FAM167A: variants seen among roughly 807,000 people sequenced by gnomAD.
FAM167A encodes protein FAM167A.
In FAM167A, 23 loss-of-function variants were observed where a neutral mutation model predicts 14.9. The ratio of observed to expected loss-of-function variants is 1.55; its 90% confidence interval spans 1.11 to 2.19. FAM167A has a LOEUF of 2.19. FAM167A is among the 30% of genes most tolerant of loss of function. The pLI is 0.00. For missense variants in FAM167A, 401 were observed against 281.5 expected (o/e 1.42, Z -3.04); for synonymous variants, 174 against 117.7 (o/e 1.48, Z -3.10).
chr8:11,452,757 GA>G, intron 1 of FAM167A, among the ~76,000 whole-genome samples: 1 of 152,290 alleles, frequency 6.6e-6, no homozygotes, highest in East Asian at 1.9e-4. Context: ...TCCTGGCCCA[GA>G]AAAAAGGGTG....
At position 11,421,854 on chromosome 8, in the gene FAM167A, C is replaced by A; in HGVS notation, c.*2519G>T. 7.5e-6 allele frequency: 3 copies of A among 398,058 alleles called. No individual in the cohort carries two copies. The highest frequency in any genetic ancestry group is 1.3e-5 in the Non-Finnish European group (3 of 225,754). 24.7% of individuals were successfully genotyped at this position (398,058 alleles called of 1,614,324 possible). A position where few individuals can be genotyped will look rare whatever the true frequency, so the allele number is the denominator to read the frequency against. On this transcript the variant is annotated 3_prime_UTR_variant, in exon 3 of 3. Transcript: ENST00000284486. ...CCAGGAGGCTGGGACGGAGGTTAGG[C>A]CAATGTTGCTGCTGACTCATAGACC... is the stretch of plus-strand genomic sequence containing the variant.
At position 11,423,603 on chromosome 8, in the gene FAM167A, A is replaced by C. The variant is rs1448815638; in HGVS notation, c.*770T>G. On this transcript the variant is annotated 3_prime_UTR_variant, in exon 3 of 3. Transcript: ENST00000284486. ...CTGGTTCAGTCACCAGTGGTCTCCCAGGCTGTCACCCTGGGGTGTGGGTGG... is the reference window on the plus strand; with the variant it reads ...CTGGTTCAGTCACCAGTGGTCTCCCCGGCTGTCACCCTGGGGTGTGGGTGG... 1 of 152,276 alleles carries C rather than the reference A, an allele frequency of 6.6e-6. No individual in the cohort carries two copies. Among genetic ancestry groups the C allele is most frequent in the Non-Finnish European group, 1.5e-5 (1 of 68,070 alleles). 9.4% of individuals were successfully genotyped at this position (152,276 alleles called of 1,614,324 possible).
At chr8:11,438,042 A>C (rs1017548078) in intron 2 of FAM167A, 4 of 395,096 alleles carry the variant, frequency 1.0e-5, no homozygotes, top group African/African-American at 8.4e-5. Flanking sequence ...CTTCGAAGGG[A>C]AACTTCACAA....
In FAM167A at chr8:11,451,632, T is replaced by A. The variant is rs555571633; in HGVS notation, c.-397-6824A>T. ...ACCACGTGCTCCTCTTCCCAGCTCA[T>A]GCCCTGGTGACCAGGTGTGAGCATG... On this transcript the variant is annotated intron_variant, in intron 1 of 2. Coordinates refer to ENST00000284486, the MANE Select transcript of FAM167A (RefSeq NM_053279.3). Among the ~76,000 whole-genome samples the A allele has an allele frequency of 3.9e-5, 6 of 152,342 alleles. 1 individual carries two copies. The highest frequency in any genetic ancestry group is 1.4e-4 in the African/African-American group (6 of 41,588).
At chr8:11,474,260 C>G (rs1023966423) in intron 1 of FAM167A, among the ~76,000 whole-genome samples, 24 of 152,230 alleles carry the variant, frequency 1.6e-4, no homozygotes, top group African/African-American at 5.8e-4. Flanking sequence ...CATTCTGGTA[C>G]CAGGCACAGC....
chr8:11,467,844 G>T (rs994354348), upstream of FAM167A, among the ~76,000 whole-genome samples: 1 of 152,238 alleles, frequency 6.6e-6, no homozygotes, highest in African/African-American at 2.4e-5. Context: ...GTCCTCTGAG[G>T]GACGTCGTCT....
intron 2 of FAM167A, chr8:11,438,553 C>T (rs1251840932): frequency 6.6e-6 from 3 of 455,780 alleles, no homozygotes; most frequent in South Asian, 1.6e-5. Context: ...TGTCTTTCCC[C>T]TTGATTATAC....
At chr8:11,431,334 G>A (rs1393113901) in intron 2 of FAM167A, among the ~76,000 whole-genome samples, 1 of 152,234 alleles carries the variant, frequency 6.6e-6, no homozygotes, top group East Asian at 1.9e-4. Context: ...GAGGTTCCTA[G>A]CGTAGTCCAA....
In FAM167A at chr8:11,444,126, T is replaced by C. The variant is rs201707614; in HGVS notation, c.286A>G (p.Arg96Gly). 23 of 1,613,260 alleles carry C rather than the reference T, an allele frequency of 1.4e-5. No individual in the cohort carries two copies. In the East Asian group the frequency reaches 4.7e-4, roughly 33 times the overall value. Residue 96 changes from arginine to glycine, a missense_variant, in exon 2 of 3, where the codon AGG (arginine) becomes GGG (glycine). Arg to Gly is a moderately radical substitution (Grantham distance 125, BLOSUM62 -2). Coordinates refer to ENST00000284486, the MANE Select transcript of FAM167A (RefSeq NM_053279.3). ...GGTCTGGCACCTTGGCTGGCACTCCTGGCAGAAGGGGGGTGCTGCCCAGCC... is the reference window on the plus strand; with the variant it reads ...GGTCTGGCACCTTGGCTGGCACTCCCGGCAGAAGGGGGGTGCTGCCCAGCC... Reference protein sequence around the residue: ...REAGQHPPSARSASQGARPLS... With the variant: ...REAGQHPPSAGSASQGARPLS...
chr8:11,433,973 G>A (rs1805804651), intron 2 of FAM167A: 1 of 152,166 alleles, frequency 6.6e-6, no homozygotes, highest in Non-Finnish European at 1.5e-5. Flanking sequence ...TTAGAAGCCT[G>A]GGTAAAATTG....
At chr8:11,450,576 A>T (rs1806983190) in intron 1 of FAM167A, among the ~76,000 whole-genome samples, 1 of 152,032 alleles carries the variant, frequency 6.6e-6, no homozygotes, top group Admixed American at 6.5e-5. Context: ...CAGCACTTAC[A>T]CCCAGGGCCT....
At chr8:11,426,077 T>G (rs1312737393) in intron 2 of FAM167A, among the ~76,000 whole-genome samples, 1 of 152,230 alleles carries the variant, frequency 6.6e-6, no homozygotes, top group Non-Finnish European at 1.5e-5. Flanking sequence ...ACAAGAACCT[T>G]GGCCTCCACA....
upstream of FAM167A, among the ~76,000 whole-genome samples, chr8:11,467,158 G>T (rs563851948): frequency 2.8e-4 from 43 of 152,324 alleles, no homozygotes; most frequent in African/African-American, 1.0e-3. Context: ...CCGCGGCCAC[G>T]ACTGCCCGCG....
chr8:11,430,005 C>T (rs1257184824), intron 2 of FAM167A, among the ~76,000 whole-genome samples: 1 of 152,202 alleles, frequency 6.6e-6, no homozygotes, highest in Non-Finnish European at 1.5e-5. Context: ...GAACATGGAA[C>T]CCAGCAAGGA....
Position 11,444,595 on chromosome 8 carries a change from C to A in FAM167A, c.-184G>T. 1.4e-6 allele frequency: 2 copies of A among 1,407,814 alleles called. No homozygotes were observed. Among genetic ancestry groups the A allele is most frequent in the Middle Eastern group, 2.6e-4 (1 of 3,796 alleles). The allele number at this position is 1,407,814 out of a possible 1,614,324, so 87.2% of individuals were successfully genotyped here. A position where few individuals can be genotyped will look rare whatever the true frequency, so the allele number is the denominator to read the frequency against. ...GAGCTGAGAGGGACCGCGCAGTGAGCCGCACAGGGCGCCCTCCTGGAGGCT... is the reference window on the plus strand; with the variant it reads ...GAGCTGAGAGGGACCGCGCAGTGAGACGCACAGGGCGCCCTCCTGGAGGCT... On this transcript the variant is annotated 5_prime_UTR_variant, in exon 2 of 3. Transcript: ENST00000284486.
At chr8:11,454,256 G>T (rs577823285) in intron 1 of FAM167A, among the ~76,000 whole-genome samples, 1 of 152,198 alleles carries the variant, frequency 6.6e-6, no homozygotes, top group Non-Finnish European at 1.5e-5. Flanking sequence ...TGTGCAAAGC[G>T]CTCTGTTTCC....
At chr8:11,455,272 C>T (rs1807192429) in intron 1 of FAM167A, among the ~76,000 whole-genome samples, 1 of 128,452 alleles carries the variant, frequency 7.8e-6, no homozygotes, top group South Asian at 2.7e-4. Flanking sequence ...GGTTGCCTTG[C>T]TCTGTGTGTG....
At chr8:11,435,091 A>G (rs1198731549) in intron 2 of FAM167A, 1 of 456,722 alleles carries the variant, frequency 2.2e-6, no homozygotes, top group South Asian at 1.5e-5. Context: ...TGCTTCTTCA[A>G]ATCTTTCAAA....
chr8:11,441,616 C>G (rs1445360376), intron 2 of FAM167A, among the ~76,000 whole-genome samples: 3 of 152,206 alleles, frequency 2.0e-5, no homozygotes, highest in Non-Finnish European at 4.4e-5. Context: ...TGCTACCTCT[C>G]TCCCCATAGC....
Sources: allele counts gnomAD v4.1 joint callset (sites outside exome capture counted in the v4.1 genomes callset), GRCh38; gene constraint gnomAD v4.1.1; transcripts MANE v1.5; gene names NCBI Gene and HGNC (gene_info 2026-07-23, HGNC 2026-07-21).